Variants in NFILZ observed in about 807,000 individuals in gnomAD.
NFILZ encodes NFIL3 like protein.
At position 8,647,075 on chromosome 19, in the gene NFILZ, C is replaced by T. The variant is rs938999364; in HGVS notation, c.-164+11329C>T. On this transcript the variant is annotated intron_variant, in intron 3 of 5. Transcript: ENST00000691075. ...CTGCCTTATAAGTTTGGGTGAGGAT[C>T]AGAGGAGGCTATTATGTGGAACGTG... Among the ~76,000 whole-genome samples, 3 of 152,256 alleles carry T rather than the reference C, an allele frequency of 2.0e-5. No homozygotes were observed. The East Asian group carries it at 5.8e-4, about 29-fold the overall frequency.
chr19:8,642,842 C>A (rs1555746770), intron 3 of NFILZ, among the ~76,000 whole-genome samples: 1 of 151,984 alleles, frequency 6.6e-6, no homozygotes, highest in Non-Finnish European at 1.5e-5. Flanking sequence ...GAGGAAATGA[C>A]AAATATTGTA....
At chr19:8,632,449 A>G (rs2146132063) in intron 1 of NFILZ, 27 bp from the exon 2 acceptor site, 1 of 152,250 alleles carries the variant, frequency 6.6e-6, no homozygotes, top group East Asian at 1.9e-4. Flanking sequence ...CAGGTCATAA[A>G]GACCTTGCTG....
chr19:8,676,593 G>C (rs528252514), intron 5 of NFILZ, among the ~76,000 whole-genome samples, 137 bp downstream of exon 5: 1 of 152,292 alleles, frequency 6.6e-6, no homozygotes, highest in South Asian at 2.1e-4. Flanking sequence ...TCTTCACTGG[G>C]CATCAAACAG....
At chr19:8,660,419 CG>C (rs149955654) in intron 3 of NFILZ, among the ~76,000 whole-genome samples, 13,501 of 151,824 alleles carry the variant, frequency 0.089, 792 homozygotes, top group African/African-American at 0.17. Flanking sequence ...CAAGCAAATA[CG>C]ACCATCGGTA....
chr19:8,656,979 G>A (rs2043006968), intron 3 of NFILZ, among the ~76,000 whole-genome samples: 1 of 152,062 alleles, frequency 6.6e-6, no homozygotes, highest in Non-Finnish European at 1.5e-5. Context: ...GGTTGTCTGT[G>A]GTTGGCGTTT....
At chr19:8,637,797 C>G (rs782680910) in intron 3 of NFILZ, among the ~76,000 whole-genome samples, 5 of 147,802 alleles carry the variant, frequency 3.4e-5, no homozygotes, top group Non-Finnish European at 7.4e-5. Context: ...ATCTCAGCTA[C>G]TTGGGAGGCT....
chr19:8,672,780 T>A (rs181388237), intron 3 of NFILZ, among the ~76,000 whole-genome samples: 12 of 152,360 alleles, frequency 7.9e-5, no homozygotes, highest in African/African-American at 2.6e-4. Flanking sequence ...TTCCAATAAA[T>A]ACTTTTACAG....
chr19:8,638,845 T>G (rs2042906721), intron 3 of NFILZ, among the ~76,000 whole-genome samples: 2 of 120,842 alleles, frequency 1.7e-5, no homozygotes, highest in South Asian at 2.5e-4. Context: ...TACTTTGCTG[T>G]TTTTTTTTTT....
intron 2 of NFILZ, among the ~76,000 whole-genome samples, chr19:8,634,992 C>T (rs1437182725): frequency 2.0e-5 from 3 of 151,958 alleles, no homozygotes; most frequent in East Asian, 1.9e-4. Context: ...ACCACACAAC[C>T]CTATAACCAC....
At position 8,652,987 on chromosome 19, in the gene NFILZ, C is replaced by CTTT. The variant is rs2042972780; in HGVS notation, c.-164+17241_-164+17242insTTT. Among the ~76,000 whole-genome samples the CTTT allele has an allele frequency of 6.5e-3, 138 of 21,326 alleles. 1 individual carries two copies. Among genetic ancestry groups the CTTT allele is most frequent in the East Asian group, 0.02 (12 of 598 alleles). 14.0% of individuals were successfully genotyped at this position (21,326 alleles called of 152,430 possible). ...TCCTTCCCTCCTTCCTTCCTTCCTT[C>CTTT]CTTCCTTCCTTCCTTCCTTCCTTCC... On this transcript the variant is annotated intron_variant, in intron 3 of 5. Transcript: ENST00000691075.
At chr19:8,665,347 A>T (rs2043057104) in intron 3 of NFILZ, among the ~76,000 whole-genome samples, 1 of 152,148 alleles carries the variant, frequency 6.6e-6, no homozygotes, top group Non-Finnish European at 1.5e-5. Context: ...ATGAAGTAAA[A>T]AATGGTCTAC....
chr19:8,653,033 T>TCC (rs1555747916), intron 3 of NFILZ, among the ~76,000 whole-genome samples: 10 of 72,908 alleles, frequency 1.4e-4, no homozygotes, highest in Non-Finnish European at 2.5e-4. Context: ...TCTTTCTTTC[T>TCC]TTCTTTCTCT....
intron 3 of NFILZ, among the ~76,000 whole-genome samples, chr19:8,636,122 C>T (rs2042893150): frequency 6.6e-6 from 1 of 152,018 alleles, no homozygotes; most frequent in Admixed American, 6.5e-5. Context: ...CAGGCATGAG[C>T]CACCACACCC....
At position 8,678,091 on chromosome 19, in the gene NFILZ, T is replaced by TTCATTAGTTTATCCATCCTCACCCATCCA. The variant is rs2043122880; in HGVS notation, c.*458_*459insATTAGTTTATCCATCCTCACCCATCCATC. Among the ~76,000 whole-genome samples, 1 of 4,148 alleles carries TTCATTAGTTTATCCATCCTCACCCATCCA rather than the reference T, an allele frequency of 2.4e-4. No homozygotes were observed. The highest frequency in any genetic ancestry group is 4.1e-4 in the Non-Finnish European group (1 of 2,420). 2.7% of individuals were successfully genotyped at this position (4,148 alleles called of 152,430 possible). A position where few individuals can be genotyped will look rare whatever the true frequency, so the allele number is the denominator to read the frequency against. On this transcript the variant is annotated 3_prime_UTR_variant, in exon 6 of 6. Transcript: ENST00000691075. ...ATCCATCCATCAATCCATCCATCCA[T>TTCATTAGTTTATCCATCCTCACCCATCCA]TCCATCCATCCATCCATCCATCCAT...
intron 3 of NFILZ, among the ~76,000 whole-genome samples, chr19:8,644,037 C>G (rs1266787281): frequency 1.3e-5 from 2 of 152,080 alleles, no homozygotes; most frequent in Non-Finnish European, 2.9e-5. Flanking sequence ...TGTTCCACCC[C>G]AAATGCACGT....
At chr19:8,676,247 A>G (rs1215273251) in intron 4 of NFILZ, among the ~76,000 whole-genome samples, 112 bp from the exon 5 acceptor site, 1 of 152,174 alleles carries the variant, frequency 6.6e-6, no homozygotes, top group East Asian at 1.9e-4. Flanking sequence ...CTGGCCACAA[A>G]CTGAAGCGAT....
At chr19:8,652,958 CCCTT>C (rs2049288693) in intron 3 of NFILZ, among the ~76,000 whole-genome samples, 1 of 133,248 alleles carries the variant, frequency 7.5e-6, no homozygotes, top group Non-Finnish European at 1.6e-5. Context: ...CTCTTTCTTT[CCCTT>C]CCTTCCCTCC....
chr19:8,664,073 G>C (rs1555749499), intron 3 of NFILZ, among the ~76,000 whole-genome samples: 1 of 152,130 alleles, frequency 6.6e-6, no homozygotes, highest in African/African-American at 2.4e-5. Context: ...GTTTAAGGAA[G>C]TGAATTTCCA....
chr19:8,631,637 A>G (rs1185073895), intron 1 of NFILZ, among the ~76,000 whole-genome samples: 1 of 152,070 alleles, frequency 6.6e-6, no homozygotes, highest in Non-Finnish European at 1.5e-5. Flanking sequence ...TTCTGAAAGT[A>G]AACAGGCAGT....
Sources: gnomAD v4.1 joint callset for allele counts (sites outside exome capture counted in the v4.1 genomes callset) on GRCh38, gnomAD v4.1.1 for gene constraint, MANE v1.5 for transcripts, NCBI Gene and HGNC (gene_info 2026-07-23, HGNC 2026-07-21) for gene names.